Variants in CACNA1A observed in about 807,000 individuals in gnomAD.
CACNA1A encodes voltage-dependent P/Q-type calcium channel subunit alpha-1A.
CACNA1A carries 57 observed loss-of-function variants against 262.4 expected under a neutral mutation model. That is an observed-to-expected ratio of 0.22 (90% CI 0.18 to 0.27). The LOEUF (loss-of-function observed/expected upper bound fraction) is 0.27. Ranked by LOEUF, CACNA1A falls within the 10% of genes least tolerant of loss-of-function variation. The probability of loss-of-function intolerance (pLI) is 1.00; values close to 1 mark genes in which losing one functional copy is unlikely to be tolerated. For synonymous variants in CACNA1A, 1,431 were observed against 1,419.3 expected, an observed-to-expected ratio of 1.01 and a Z score of -0.18; for missense variants, 2,526 against 3,562.8, an observed-to-expected ratio of 0.71 and a Z score of 7.41.
At chr19:13,465,084 A>T (rs1292967751) in intron 1 of CACNA1A, among the ~76,000 whole-genome samples, 1 of 151,758 alleles carries the variant, frequency 6.6e-6, no homozygotes, top group Non-Finnish European at 1.5e-5. Flanking sequence ...GTGCAGCACC[A>T]TACCTGGCTA....
At chr19:13,210,181 G>C (rs143540759) in intron 44 of CACNA1A, among the ~76,000 whole-genome samples, 1 of 152,196 alleles carries the variant, frequency 6.6e-6, no homozygotes, top group Non-Finnish European at 1.5e-5. Flanking sequence ...CTCTGCAGCA[G>C]GCAGAGGAGG....
chr19:13,416,804 C>T (rs928539813), intron 3 of CACNA1A, among the ~76,000 whole-genome samples: 2 of 151,978 alleles, frequency 1.3e-5, no homozygotes, highest in African/African-American at 4.8e-5. Context: ...AACAGTGCTA[C>T]ACTCCATCTC....
At chr19:13,277,185 C>A (rs1186831133) in intron 22 of CACNA1A, 57 bp from the exon 23 acceptor site, 1 of 1,253,864 alleles carries the variant, frequency 8.0e-7, no homozygotes, top group African/African-American at 1.5e-5. Context: ...AGCAGAGCCC[C>A]GGTAAAACTA....
At chr19:13,298,519 C>T (rs768763904) in intron 19 of CACNA1A, 25 bp downstream of exon 19, 12 of 1,523,916 alleles carry the variant, frequency 7.9e-6, no homozygotes, top group Admixed American at 2.0e-5. Context: ...CGTCATTCTG[C>T]GGATTCGAGG....
intron 11 of CACNA1A, among the ~76,000 whole-genome samples, chr19:13,314,540 T>G (rs778683892): frequency 1.3e-5 from 2 of 152,110 alleles, no homozygotes; most frequent in African/African-American, 2.4e-5. Context: ...GTTCCTCCCT[T>G]CCAGAGGATA....
intron 3 of CACNA1A, among the ~76,000 whole-genome samples, chr19:13,394,878 C>G (rs1160741504): frequency 6.6e-6 from 1 of 152,138 alleles, no homozygotes; most frequent in African/African-American, 2.4e-5. Context: ...TAAGGCGGGT[C>G]GTAGAAACCA....
chr19:13,249,803 T>C (rs947697102), intron 30 of CACNA1A, among the ~76,000 whole-genome samples: 2 of 103,464 alleles, frequency 1.9e-5, no homozygotes, highest in Non-Finnish European at 1.9e-5. Flanking sequence ...AAAGCTTATA[T>C]AGGACGAGGC....
chr19:13,436,368 C>A (rs2060610997), intron 3 of CACNA1A, among the ~76,000 whole-genome samples: 1 of 152,172 alleles, frequency 6.6e-6, no homozygotes, highest in Non-Finnish European at 1.5e-5. Context: ...TGGGCAGTCC[C>A]TGTTTTTCTC....
intron 19 of CACNA1A, among the ~76,000 whole-genome samples, chr19:13,294,998 C>T (rs1273109872): frequency 6.6e-6 from 1 of 152,216 alleles, no homozygotes; most frequent in African/African-American, 2.4e-5. Context: ...GGCCTTTGCA[C>T]ATGCTGTTGT....
chr19:13,254,569 T>A (rs2056493925), intron 29 of CACNA1A, among the ~76,000 whole-genome samples: 1 of 151,892 alleles, frequency 6.6e-6, no homozygotes, highest in Non-Finnish European at 1.5e-5. Flanking sequence ...TCCGTGTTGG[T>A]CAGGCTGGTC....
At chr19:13,225,606 A>T (rs1405917844) in intron 37 of CACNA1A, 1 of 151,662 alleles carries the variant, frequency 6.6e-6, no homozygotes, top group Non-Finnish European at 1.5e-5. Context: ...AGTGGCACAG[A>T]GAAGGGGGGT....
At chr19:13,298,492 G>T in intron 19 of CACNA1A, 52 bp downstream of exon 19, 2 of 1,451,178 alleles carry the variant, frequency 1.4e-6, no homozygotes, top group Non-Finnish European at 1.9e-6. Flanking sequence ...TTTGGCTGTT[G>T]TCATTATTAA....
At chr19:13,390,439 T>C (rs2059691355) in intron 3 of CACNA1A, among the ~76,000 whole-genome samples, 1 of 152,178 alleles carries the variant, frequency 6.6e-6, no homozygotes, top group South Asian at 2.1e-4. Context: ...CAACACTGTC[T>C]GACAGAACTT....
At chr19:13,437,153 C>T (rs971455461) in intron 3 of CACNA1A, among the ~76,000 whole-genome samples, 3 of 152,194 alleles carry the variant, frequency 2.0e-5, no homozygotes, top group African/African-American at 7.2e-5. Context: ...GTCCCTTTCC[C>T]TATTTTCTCC....
intron 3 of CACNA1A, among the ~76,000 whole-genome samples, chr19:13,439,750 C>A (rs898091344): frequency 6.6e-6 from 1 of 151,960 alleles, no homozygotes; most frequent in African/African-American, 2.4e-5. Flanking sequence ...CACTGACCGG[C>A]TATCTTAGGC....
intron 3 of CACNA1A, among the ~76,000 whole-genome samples, chr19:13,392,406 G>C (rs991590610): frequency 6.6e-6 from 1 of 152,178 alleles, no homozygotes; most frequent in Non-Finnish European, 1.5e-5. Flanking sequence ...ACTTGGGCAG[G>C]TGGAGGCAGG....
At chr19:13,289,012 T>C (rs2057471973) in intron 19 of CACNA1A, among the ~76,000 whole-genome samples, 1 of 152,202 alleles carries the variant, frequency 6.6e-6, no homozygotes, top group Non-Finnish European at 1.5e-5. Flanking sequence ...GCAGTTCCAC[T>C]GTTTCTCTGA....
chr19:13,435,976 C>T (rs965588503), intron 3 of CACNA1A, among the ~76,000 whole-genome samples: 2 of 152,112 alleles, frequency 1.3e-5, no homozygotes, highest in Non-Finnish European at 2.9e-5. Context: ...AGGGATGCAC[C>T]ACCAAACCCA....
At chr19:13,309,854 G>C (rs1216809974) in intron 12 of CACNA1A, among the ~76,000 whole-genome samples, 1 of 151,928 alleles carries the variant, frequency 6.6e-6, no homozygotes, top group East Asian at 1.9e-4. Flanking sequence ...TTCACACTTT[G>C]AATTACACAA....
Sources: allele counts gnomAD v4.1 joint callset (sites outside exome capture counted in the v4.1 genomes callset), GRCh38; gene constraint gnomAD v4.1.1; transcripts MANE v1.5; gene names NCBI Gene and HGNC (gene_info 2026-07-23, HGNC 2026-07-21).